ITPR3: variants seen among roughly 807,000 people sequenced by gnomAD.
The protein encoded by ITPR3 is inositol 1,4,5-trisphosphate-gated calcium channel ITPR3.
In ITPR3, 173 loss-of-function variants were observed where a neutral mutation model predicts 293.2. The ratio of observed to expected loss-of-function variants is 0.59; its 90% CI spans 0.52 to 0.67. The LOEUF (loss-of-function observed/expected upper bound fraction) is 0.67, where lower values mean the gene tolerates loss of function less well. Among genes scored for constraint, ITPR3 ranks in the 30% least tolerant of loss-of-function variants. The pLI is 0.00. For missense variants in ITPR3, 2,796 were observed against 3,592.1 expected (o/e 0.78, Z 5.66); for synonymous variants, 1,295 against 1,444.4 (o/e 0.90, Z 2.35).
In ITPR3 at chr6:33,685,681, C is replaced by A; in HGVS notation, c.5521C>A (p.Arg1841Ser). 1 of 1,597,668 alleles carries A rather than the reference C, an allele frequency of 6.3e-7. No individual in the cohort carries two copies. The highest frequency in any genetic ancestry group is 8.5e-7 in the Non-Finnish European group (1 of 1,170,130). Residue 1841 changes from arginine (R) to serine (S), a missense_variant, in exon 41 of 58, where the codon CGC (arginine) becomes AGC (serine). Coordinates refer to ENST00000605930, the MANE Select transcript of ITPR3 (RefSeq NM_002224.4). ...CTTCTCGATACCTGGCTCCTCATCC[C>A]GCTACTCGCTGGGCCCCAGCCTGCG... ...ASFSIPGSSS[R>S]YSLGPSLRRG...
intron 1 of ITPR3, among the ~76,000 whole-genome samples, chr6:33,626,122 A>G (rs1374173371): frequency 6.6e-6 from 1 of 152,058 alleles, no homozygotes; most frequent in Non-Finnish European, 1.5e-5. Context: ...TTTTATAGAG[A>G]TGGGGTCTCC....
In ITPR3 at chr6:33,691,361, G is replaced by A. The variant is rs1356298529; in HGVS notation, c.7225+252G>A. Among the ~76,000 whole-genome samples the A allele has an allele frequency of 6.6e-6, 1 of 152,162 alleles. No homozygotes were observed. The highest frequency in any genetic ancestry group is 1.5e-5 in the Non-Finnish European group (1 of 68,034). On this transcript the variant is annotated intron_variant, in intron 52 of 57. Coordinates refer to ENST00000605930, the MANE Select transcript of ITPR3 (RefSeq NM_002224.4). This position sits in a 1 kb window ranked among gnomAD's most constrained non-coding sequence, Gnocchi z 4.9. ...CTTGAGGGCTGGAGTCCCTTGAACT[G>A]TCATTCATGTTAAACCCAGTATTTG...
In ITPR3 at chr6:33,658,853, G is replaced by T. The variant is rs772211659; in HGVS notation, c.528+25G>T. On this transcript the variant is annotated intron_variant, in intron 5 of 57. Coordinates refer to ENST00000605930, the MANE Select transcript of ITPR3 (RefSeq NM_002224.4). The surrounding 1 kb of genome is among the most constrained non-coding windows in gnomAD (Gnocchi z 6.1). ...CGTGAGGGCAGGGCCAGGGTTGGAG[G>T]GGCCTGGTGGAACTCCCGAGGGGCT... The T allele has an allele frequency of 6.2e-7, 1 of 1,613,018 alleles. No homozygotes were observed. Among genetic ancestry groups the T allele is most frequent in the Non-Finnish European group, 8.5e-7 (1 of 1,179,310 alleles).
At chr6:33,671,050 C>T (rs561389178) in intron 20 of ITPR3, 115 bp from the exon 21 acceptor site, 325 of 1,512,660 alleles carry the variant, frequency 2.1e-4, no homozygotes, top group Admixed American at 4.9e-4. Flanking sequence ...CTGGGAACCC[C>T]GTCCTCATGA....
At position 33,670,011 on chromosome 6, in the gene ITPR3, A is replaced by C. The variant is rs1429933435; in HGVS notation, c.2190-314A>C. On this transcript the variant is annotated intron_variant, in intron 18 of 57. Coordinates refer to ENST00000605930, the MANE Select transcript of ITPR3 (RefSeq NM_002224.4). This position sits in a 1 kb window ranked among gnomAD's most constrained non-coding sequence, Gnocchi z 6.7. ...CTCCTCCCTCTCCCATCTTGCCCTC[A>C]CCCTCCCTGGCCAAGGCTGGCTCTT... 6.7e-5 allele frequency among the ~76,000 whole-genome samples: 9 copies of C among 134,192 alleles called. No homozygotes were observed. The highest frequency in any genetic ancestry group is 1.7e-4 in the African/African-American group (6 of 34,850). 88.0% of individuals were successfully genotyped at this position (134,192 alleles called of 152,430 possible).
chr6:33,668,747 A>C, intron 17 of ITPR3, 113 bp downstream of exon 17: 1 of 1,502,554 alleles, frequency 6.7e-7, no homozygotes, highest in Non-Finnish European at 9.1e-7. Flanking sequence ...TGCTCTCTGC[A>C]GCTGTGAACT....
intron 18 of ITPR3, among the ~76,000 whole-genome samples, chr6:33,669,962 C>A (rs181020463): frequency 6.6e-6 from 1 of 152,100 alleles, no homozygotes; most frequent in Non-Finnish European, 1.5e-5. Context: ...GGTTGCACCC[C>A]TTTCACCACC....
At position 33,678,463 on chromosome 6, in the gene ITPR3, T is replaced by C; in HGVS notation, c.3691T>C (p.Phe1231Leu). ...GGAGATCCTGCGCTACACGCACCAG[T>C]TCCTGCAGAAGTTCTGTGCAGGGAA... ...MMEILRYTHQ[F>L]LQKFCAGNPG... The change falls in exon 29 of 58, where the codon TTC (phenylalanine) becomes CTC (leucine). Residue 1231 changes from phenylalanine (F) to leucine (L), a missense_variant. Around this residue, in one of 8 missense-constraint regions of ITPR3, gnomAD observed 344 missense variants for 460.3 expected, o/e 0.75. Transcript: ENST00000605930. 1 of 1,613,748 alleles carries C rather than the reference T, an allele frequency of 6.2e-7. No individual in the cohort carries two copies. Among genetic ancestry groups the C allele is most frequent in the Non-Finnish European group, 8.5e-7 (1 of 1,180,020 alleles).
At position 33,670,432 on chromosome 6, in the gene ITPR3, A is replaced by G. The variant is rs1413025944; in HGVS notation, c.2297A>G (p.Asp766Gly). The G allele has an allele frequency of 6.2e-7, 1 of 1,613,966 alleles. No homozygotes were observed. Among genetic ancestry groups the G allele is most frequent in the African/African-American group, 1.3e-5 (1 of 74,916 alleles). The change falls in exon 19 of 58, where the codon GAC becomes GGC. Residue 766 changes from aspartate to glycine, a missense_variant. By Grantham distance (94) the Asp-to-Gly change is moderately conservative. Coordinates refer to ENST00000605930, the MANE Select transcript of ITPR3 (RefSeq NM_002224.4). This position sits in a 1 kb window ranked among gnomAD's most constrained non-coding sequence, Gnocchi z 6.7. The part of the protein sequence containing the change: ...GVDLIFLCMA[D>G]EMLPFDLRAS... ...GACCTGATTTTCCTGTGCATGGCAG[A>G]CGAGATGCTGCCCTTTGACCTGCGC...
intron 17 of ITPR3, 146 bp downstream of exon 17, chr6:33,668,780 T>G: frequency 7.3e-7 from 1 of 1,366,830 alleles, no homozygotes; most frequent in Non-Finnish European, 1.0e-6. Flanking sequence ...TGTGCCCCGC[T>G]GTGTGCCTGG....
chr6:33,669,079 T>C lies in ITPR3; in HGVS notation c.2112T>C (p.His704=), dbSNP rs1443302050. The C allele has an allele frequency of 6.2e-7, 1 of 1,614,054 alleles. No homozygotes were observed. The highest frequency in any genetic ancestry group is 1.7e-5 in the Admixed American group (1 of 60,000). Residue 704 remains histidine (H), a synonymous_variant, in exon 18 of 58, where the codon CAT becomes CAC. Transcript: ENST00000605930. The part of the protein sequence containing the change: ...LTWTDKNNEH[H]EKSVRQLAQE... The stretch of plus-strand genomic sequence containing the variant: ...GGACTGACAAGAATAACGAGCATCA[T>C]GAGAAGAGTGTGAGGCAGCTGGCCC...
intron 25 of ITPR3, among the ~76,000 whole-genome samples, chr6:33,676,326 T>G (rs934774298): frequency 3.9e-5 from 6 of 152,228 alleles, no homozygotes; most frequent in Non-Finnish European, 1.5e-5. Flanking sequence ...CTCCCTCCCA[T>G]TCCAGAGCGG....
intron 57 of ITPR3, 128 bp downstream of exon 57, chr6:33,695,213 G>A: frequency 9.6e-7 from 1 of 1,044,032 alleles, no homozygotes; most frequent in Non-Finnish European, 1.4e-6. Context: ...TGAGAAGGCA[G>A]GTGCCAAACC....
chr6:33,672,457 G>A lies in ITPR3; in HGVS notation c.2928+229G>A, dbSNP rs966552366. Among the ~76,000 whole-genome samples the A allele has an allele frequency of 1.3e-5, 2 of 152,132 alleles. No homozygotes were observed. The highest frequency in any genetic ancestry group is 2.9e-5 in the Non-Finnish European group (2 of 68,032). On this transcript the variant is annotated intron_variant, in intron 22 of 57. Transcript: ENST00000605930. The surrounding 1 kb of genome is among the most constrained non-coding windows in gnomAD (Gnocchi z 5.0). ...TTCTCGGTTGTGCGCAGTGACTCAC[G>A]CCTGTAATCCCAGTGCTTTGGGAGG...
chr6:33,672,283 G>C lies in ITPR3; in HGVS notation c.2928+55G>C. The stretch of plus-strand genomic sequence containing the variant: ...TTGGGTATAGGGGGAGGGTAATGGG[G>C]CGGGTACAGGGAGGCTGGGCAGGGC... On this transcript the variant is annotated intron_variant, in intron 22 of 57. Coordinates refer to ENST00000605930, the MANE Select transcript of ITPR3 (RefSeq NM_002224.4). The surrounding 1 kb of genome is among the most constrained non-coding windows in gnomAD (Gnocchi z 5.0). 6.8e-7 allele frequency: 1 copy of C among 1,464,562 alleles called. No homozygotes were observed. Among genetic ancestry groups the C allele is most frequent in the Non-Finnish European group, 9.5e-7 (1 of 1,051,858 alleles). 90.7% of individuals were successfully genotyped at this position (1,464,562 alleles called of 1,614,324 possible). A position where few individuals can be genotyped will look rare whatever the true frequency, so the allele number is the denominator to read the frequency against.
chr6:33,680,876 A>G (rs1193337607), intron 33 of ITPR3, among the ~76,000 whole-genome samples, 196 bp downstream of exon 33: 1 of 143,460 alleles, frequency 7.0e-6, no homozygotes, highest in African/African-American at 2.7e-5. Context: ...GCTGGAGTGC[A>G]GTGGCGCGAT....
Position 33,667,143 on chromosome 6 carries a change from G to A in ITPR3, c.1566G>A (p.Leu522=), listed in dbSNP as rs1764629509. The A allele has an allele frequency of 6.2e-7, 1 of 1,614,072 alleles. No individual in the cohort carries two copies. Residue 522 remains leucine, a synonymous_variant, in exon 15 of 58, where the codon CTG becomes CTA. Transcript: ENST00000605930. The surrounding 1 kb of genome is among the most constrained non-coding windows in gnomAD (Gnocchi z 4.4). The part of the protein sequence containing the change: ...QNILKQVFGI[L]KAPFREKGGE... The stretch of plus-strand genomic sequence containing the variant: ...TATTCCCCCAGGTCTTTGGCATTCT[G>A]AAGGCCCCGTTCCGTGAGAAGGGGG...
Position 33,682,953 on chromosome 6 carries a change from G to A in ITPR3, c.4598-254G>A, listed in dbSNP as rs1012863398. Among the ~76,000 whole-genome samples, 2 of 152,056 alleles carry A rather than the reference G, an allele frequency of 1.3e-5. No individual in the cohort carries two copies. Among genetic ancestry groups the A allele is most frequent in the East Asian group, 3.9e-4 (2 of 5,194 alleles). On this transcript the variant is annotated intron_variant, in intron 34 of 57. Coordinates refer to ENST00000605930, the MANE Select transcript of ITPR3 (RefSeq NM_002224.4). The surrounding 1 kb of genome is among the most constrained non-coding windows in gnomAD (Gnocchi z 5.4). The stretch of plus-strand genomic sequence containing the variant: ...TTAGGGACAGTTGGGGAAGAAGAGA[G>A]GACAGGTGAGAGAGAGGAAGGGGAA...
intron 1 of ITPR3, among the ~76,000 whole-genome samples, chr6:33,637,388 C>A (rs894299135): frequency 1.3e-5 from 2 of 152,242 alleles, no homozygotes; most frequent in African/African-American, 4.8e-5. Context: ...TACAGAGCTT[C>A]CAGGCCCTCT....
Sources: gnomAD v4.1 joint callset for allele counts (sites outside exome capture counted in the v4.1 genomes callset) on GRCh38, gnomAD v4.1.1 for gene constraint, gnomAD v4.1.1 regional missense constraint, Gnocchi (gnomAD v3.1) non-coding constraint, MANE v1.5 for transcripts, NCBI Gene and HGNC (gene_info 2026-07-23, HGNC 2026-07-21) for gene names.